Variants in ARL6IP5 observed in about 807,000 individuals in gnomAD.
The protein encoded by ARL6IP5 is PRA1 family protein 3.
In ARL6IP5, 6 loss-of-function variants were observed where a neutral mutation model predicts 13.0. The ratio of observed to expected loss-of-function variants is 0.46; its 90% confidence interval spans 0.25 to 0.91. The LOEUF (loss-of-function observed/expected upper bound fraction) is 0.91. Among genes scored for constraint, ARL6IP5 ranks in the 40% least tolerant of loss-of-function variants. The pLI is 0.17. For missense variants in ARL6IP5, 208 were observed against 248.8 expected, an observed-to-expected ratio of 0.84 and a Z score of 1.10; for synonymous variants, 91 against 91.9, an observed-to-expected ratio of 0.99 and a Z score of 0.06.
At chr3:69,096,962 G>C (rs915666950) in intron 1 of ARL6IP5, among the ~76,000 whole-genome samples, 1 of 151,422 alleles carries the variant, frequency 6.6e-6, no homozygotes, top group East Asian at 1.9e-4. Context: ...TCAAAGTCAA[G>C]GCTTTGTAAA....
intron 1 of ARL6IP5, among the ~76,000 whole-genome samples, chr3:69,094,894 T>TC (rs397822859): frequency 5.9e-5 from 9 of 151,918 alleles, no homozygotes; most frequent in African/African-American, 1.5e-4. Context: ...GATTTTTTTT[T>TC]CCCCTTTCAG....
At chr3:69,089,637 T>A (rs1222784753) in intron 1 of ARL6IP5, among the ~76,000 whole-genome samples, 12 of 132,448 alleles carry the variant, frequency 9.1e-5, no homozygotes, top group African/African-American at 8.6e-5. Context: ...AAACCCTGTC[T>A]AAAAAAAAAA....
At chr3:69,089,255 T>C (rs758998050) in intron 1 of ARL6IP5, among the ~76,000 whole-genome samples, 20 of 152,220 alleles carry the variant, frequency 1.3e-4, no homozygotes, top group Non-Finnish European at 2.5e-4. Context: ...GTTGTTTTTT[T>C]CTTTTTCTCT....
intron 2 of ARL6IP5, chr3:69,102,378 A>G (rs2092308466): frequency 5.8e-6 from 2 of 342,488 alleles, no homozygotes; most frequent in South Asian, 5.9e-5. Flanking sequence ...GCTTACTGCA[A>G]CCTCTGCCTC....
chr3:69,104,891 G>A lies in ARL6IP5; in HGVS notation c.*255G>A. The A allele has an allele frequency of 1.4e-6, 1 of 702,302 alleles. No individual in the cohort carries two copies. The highest frequency in any genetic ancestry group is 2.6e-6 in the Non-Finnish European group (1 of 385,096). 43.5% of individuals were successfully genotyped at this position (702,302 alleles called of 1,614,324 possible). On this transcript the variant is annotated 3_prime_UTR_variant, in exon 3 of 3. Transcript: ENST00000273258. ...TGTTTATGAAATCTAATGGGAAATG[G>A]ATCACACGATTTCTTTAAGGGAATT...
Position 69,097,339 on chromosome 3 carries a change from G to GTT in ARL6IP5, c.177-4486_177-4485dup, listed in dbSNP as rs201515218. Among the ~76,000 whole-genome samples the GTT allele has an allele frequency of 3.4e-4, 45 of 133,596 alleles. 1 individual carries two copies. The highest frequency in any genetic ancestry group is 8.7e-4 in the East Asian group (4 of 4,602). The allele number at this position is 133,596 out of a possible 152,430, so 87.6% of individuals were successfully genotyped here. A position where few individuals can be genotyped will look rare whatever the true frequency, so the allele number is the denominator to read the frequency against. On this transcript the variant is annotated intron_variant, in intron 1 of 2. Coordinates refer to ENST00000273258, the MANE Select transcript of ARL6IP5 (RefSeq NM_006407.4). ...CACACCTGGCTAATTTTTGTGGGGT[G>GTT]TTTTTTTTTTTTTTTGGAGAGATGG...
intron 1 of ARL6IP5, among the ~76,000 whole-genome samples, chr3:69,093,811 C>T (rs1250391617): frequency 6.6e-6 from 1 of 151,458 alleles, no homozygotes; most frequent in Non-Finnish European, 1.5e-5. Flanking sequence ...ATTAGCCAGG[C>T]AAGCTGGCAC....
chr3:69,102,248 A>T, intron 2 of ARL6IP5, 192 bp downstream of exon 2: 1 of 615,070 alleles, frequency 1.6e-6, no homozygotes, highest in South Asian at 2.0e-5. Flanking sequence ...CTATGAGGTC[A>T]AGGCCTTATA....
intron 1 of ARL6IP5, among the ~76,000 whole-genome samples, chr3:69,086,485 A>G (rs1373390905): frequency 6.6e-6 from 1 of 152,248 alleles, no homozygotes; most frequent in Non-Finnish European, 1.5e-5. Context: ...GGGACTCTAT[A>G]CACAATCGCA....
At chr3:69,091,306 T>C (rs1044862589) in intron 1 of ARL6IP5, among the ~76,000 whole-genome samples, 5 of 152,172 alleles carry the variant, frequency 3.3e-5, no homozygotes, top group African/African-American at 1.2e-4. Context: ...CATATATATA[T>C]ATTTTGAGAC....
At chr3:69,103,404 G>A (rs2092312204) in intron 2 of ARL6IP5, among the ~76,000 whole-genome samples, 1 of 152,200 alleles carries the variant, frequency 6.6e-6, no homozygotes, top group Non-Finnish European at 1.5e-5. Flanking sequence ...TCTAAAGTAA[G>A]GAGATTAGAT....
chr3:69,085,359 C>G, intron 1 of ARL6IP5, 136 bp downstream of exon 1: 1 of 1,188,652 alleles, frequency 8.4e-7, no homozygotes, highest in East Asian at 2.5e-5. Flanking sequence ...AGCGGCCAAG[C>G]CAGTGGAAAC....
intron 1 of ARL6IP5, among the ~76,000 whole-genome samples, chr3:69,100,446 A>G (rs570965387): frequency 6.6e-6 from 1 of 152,198 alleles, no homozygotes; most frequent in Non-Finnish European, 1.5e-5. Flanking sequence ...TGGGGCAGGC[A>G]GGTTATGTAA....
At chr3:69,089,376 G>A (rs1023937569) in intron 1 of ARL6IP5, among the ~76,000 whole-genome samples, 6 of 152,214 alleles carry the variant, frequency 3.9e-5, no homozygotes, top group Admixed American at 2.6e-4. Context: ...TGGAACTAAA[G>A]CTGCTAATAA....
At chr3:69,096,355 A>C (rs2092287049) in intron 1 of ARL6IP5, among the ~76,000 whole-genome samples, 1 of 152,176 alleles carries the variant, frequency 6.6e-6, no homozygotes, top group African/African-American at 2.4e-5. Context: ...TTAGGCACTC[A>C]ACCTAAATAT....
intron 1 of ARL6IP5, among the ~76,000 whole-genome samples, chr3:69,086,190 G>A (rs571386087): frequency 2.0e-5 from 3 of 152,344 alleles, no homozygotes; most frequent in Admixed American, 2.0e-4. Context: ...GGAGAAAAGG[G>A]AGAAATTTGC....
rs937429290 is a variant in ARL6IP5, at chr3:69,105,104, A to G, written c.*468A>G. On this transcript the variant is annotated 3_prime_UTR_variant, in exon 3 of 3. Coordinates refer to ENST00000273258, the MANE Select transcript of ARL6IP5 (RefSeq NM_006407.4). ...TGTGGGATATAAATTAGTTTTTATTATTCTCTTAAAAATCAAAGATGATCT... is the reference window on the plus strand; with the variant it reads ...TGTGGGATATAAATTAGTTTTTATTGTTCTCTTAAAAATCAAAGATGATCT... 4 of 486,384 alleles carry G rather than the reference A, an allele frequency of 8.2e-6. No homozygotes were observed. Among genetic ancestry groups the G allele is most frequent in the Non-Finnish European group, 1.4e-5 (4 of 276,170 alleles). The allele number at this position is 486,384 out of a possible 1,614,324, so 30.1% of individuals were successfully genotyped here. A position where few individuals can be genotyped will look rare whatever the true frequency, so the allele number is the denominator to read the frequency against.
chr3:69,085,037 A>T lies in ARL6IP5; in HGVS notation c.-11A>T, dbSNP rs766616578. On this transcript the variant is annotated 5_prime_UTR_variant, in exon 1 of 3. Coordinates refer to ENST00000273258, the MANE Select transcript of ARL6IP5 (RefSeq NM_006407.4). ...CCAGATTCTGGAGGCGAAGAACGCA[A>T]AGCTGAGAACATGGACGTTAATATC... is the stretch of plus-strand genomic sequence containing the variant. 5.0e-6 allele frequency: 8 copies of T among 1,611,462 alleles called. No individual in the cohort carries two copies. Among genetic ancestry groups the T allele is most frequent in the Non-Finnish European group, 4.2e-6 (5 of 1,178,724 alleles).
intron 2 of ARL6IP5, chr3:69,102,342 G>C (rs1034074955): frequency 7.0e-6 from 3 of 431,616 alleles, no homozygotes; most frequent in Non-Finnish European, 1.3e-5. Flanking sequence ...GGTCTACTCT[G>C]TCACCCACGC....
Sources: gnomAD v4.1 joint callset for allele counts (sites outside exome capture counted in the v4.1 genomes callset) on GRCh38, gnomAD v4.1.1 for gene constraint, MANE v1.5 for transcripts, NCBI Gene and HGNC (gene_info 2026-07-23, HGNC 2026-07-21) for gene names.